Variants in AAR2 observed in about 807,000 individuals in gnomAD.
AAR2 encodes AAR2 splicing factor, also known as protein AAR2 homolog.
Under a neutral mutation model 26.9 loss-of-function variants are expected in AAR2, and 31 were observed. That is an observed-to-expected ratio of 1.15 (90% confidence interval 0.86 to 1.55). The LOEUF (loss-of-function observed/expected upper bound fraction) is 1.55. Ranked by LOEUF, AAR2 falls within the 40% of genes most tolerant of loss-of-function variation. The pLI is 0.00. For synonymous variants in AAR2, 188 were observed against 196.1 expected (o/e 0.96, Z 0.34); for missense variants, 430 against 491.3 (o/e 0.88, Z 1.18).
chr20:36,245,747 G>C (rs367940378), intron 3 of AAR2, among the ~76,000 whole-genome samples: 1 of 152,220 alleles, frequency 6.6e-6, no homozygotes, highest in Non-Finnish European at 1.5e-5. Flanking sequence ...GGGGCTGGGC[G>C]TGGTGGTTCA....
intron 2 of AAR2, among the ~76,000 whole-genome samples, chr20:36,241,771 C>T (rs763134385): frequency 6.6e-6 from 1 of 152,042 alleles, no homozygotes; most frequent in Non-Finnish European, 1.5e-5. Context: ...CAACAAGAGC[C>T]GTCTCAAAAA....
At chr20:36,241,152 A>G (rs1202060038) in intron 2 of AAR2, among the ~76,000 whole-genome samples, 2 of 152,208 alleles carry the variant, frequency 1.3e-5, no homozygotes, top group African/African-American at 4.8e-5. Context: ...AAAGAAAAAC[A>G]AAATTTACTT....
chr20:36,249,303 T>C (rs1229501103), intron 3 of AAR2, among the ~76,000 whole-genome samples: 2 of 152,250 alleles, frequency 1.3e-5, no homozygotes, highest in Admixed American at 6.5e-5. Flanking sequence ...CAGTTTTTTC[T>C]TTTATTTAAA....
At chr20:36,255,276 A>G (rs907877574) in intron 3 of AAR2, among the ~76,000 whole-genome samples, 2 of 152,164 alleles carry the variant, frequency 1.3e-5, no homozygotes, top group Non-Finnish European at 1.5e-5. Flanking sequence ...TGTAGCTACT[A>G]CCTGTTCCTC....
chr20:36,248,222 T>C (rs1204671163), intron 3 of AAR2, among the ~76,000 whole-genome samples: 1 of 152,230 alleles, frequency 6.6e-6, no homozygotes, highest in Non-Finnish European at 1.5e-5. Flanking sequence ...GCTATTATAT[T>C]GCATGAGATG....
intron 3 of AAR2, among the ~76,000 whole-genome samples, chr20:36,250,664 A>G (rs1199718233): frequency 1.3e-5 from 2 of 152,072 alleles, no homozygotes; most frequent in South Asian, 2.1e-4. Flanking sequence ...CGCACAAGGG[A>G]GCTGTTTGGT....
At chr20:36,248,399 G>A (rs371359867) in intron 3 of AAR2, among the ~76,000 whole-genome samples, 4 of 150,354 alleles carry the variant, frequency 2.7e-5, no homozygotes, top group African/African-American at 4.9e-5. Flanking sequence ...ACAATGGCGC[G>A]ATCTCGGCTC....
intron 3 of AAR2, among the ~76,000 whole-genome samples, chr20:36,249,013 A>G (rs752270788): frequency 8.5e-5 from 13 of 152,126 alleles, no homozygotes; most frequent in Non-Finnish European, 1.8e-4. Context: ...TTCCTCAGCC[A>G]GCCGCCTGCC....
At chr20:36,238,998 T>C (rs1431024940) in intron 1 of AAR2, among the ~76,000 whole-genome samples, 1 of 152,138 alleles carries the variant, frequency 6.6e-6, no homozygotes, top group Admixed American at 6.5e-5. Context: ...CATTTGTTCA[T>C]GTTGGTACCA....
At chr20:36,237,829 C>T (rs942751285) in intron 1 of AAR2, among the ~76,000 whole-genome samples, 6 of 150,774 alleles carry the variant, frequency 4.0e-5, no homozygotes, top group African/African-American at 1.5e-4. Context: ...GACCCCCAGG[C>T]TGGAGTGCAG....
chr20:36,237,760 T>G (rs1227672258), intron 1 of AAR2, among the ~76,000 whole-genome samples: 1 of 122,670 alleles, frequency 8.2e-6, no homozygotes, highest in Non-Finnish European at 1.6e-5. Context: ...GTATTATTAT[T>G]ATTATTATTA....
At position 36,255,615 on chromosome 20, in the gene AAR2, C is replaced by A. The variant is rs766283882; in HGVS notation, c.1025C>A (p.Ala342Asp). 6 of 1,614,066 alleles carry A rather than the reference C, an allele frequency of 3.7e-6. No homozygotes were observed. In the South Asian group the frequency reaches 6.6e-5, roughly 18 times the overall value. ...TCTGCCTGCAGCATTGCCGTGGATG[C>A]CACCCTGAGAAAGAAAGCTGAAAAG... ...FSSACSIAVDATLRKKAEKFQ... is the reference protein window; with the variant it reads ...FSSACSIAVDDTLRKKAEKFQ... The change falls in exon 4 of 4, where the codon GCC becomes GAC. Residue 342 changes from alanine to aspartate, a missense_variant. Transcript: ENST00000320849.
chr20:36,237,084 AG>A (rs1390662767), intron 1 of AAR2, among the ~76,000 whole-genome samples: 1 of 152,158 alleles, frequency 6.6e-6, no homozygotes, highest in African/African-American at 2.4e-5. Context: ...CAAAGTGGGG[AG>A]GGAAGAGTTT....
At chr20:36,242,510 C>T (rs1217830912) in intron 2 of AAR2, among the ~76,000 whole-genome samples, 3 of 151,960 alleles carry the variant, frequency 2.0e-5, no homozygotes, top group Admixed American at 6.6e-5. Context: ...CCTGCCTCAG[C>T]CTCCTGAGTA....
chr20:36,240,406 C>T lies in AAR2; in HGVS notation c.538C>T (p.Arg180Cys), dbSNP rs200929659. 46 of 1,614,122 alleles carry T rather than the reference C, an allele frequency of 2.8e-5. No homozygotes were observed. The highest frequency in any genetic ancestry group is 1.6e-4 in the Middle Eastern group (1 of 6,084). ...GGACCGCGTGGGGCAGAATCTACCCCGCTGTGGCATTGAGTGCAAAAGCTA... is the reference window on the plus strand; with the variant it reads ...GGACCGCGTGGGGCAGAATCTACCCTGCTGTGGCATTGAGTGCAAAAGCTA... ...TKDRVGQNLP[R>C]CGIECKSYQE... is the part of the protein sequence containing the mutation. Residue 180 changes from arginine to cysteine, a missense_variant, in exon 2 of 4, where the codon CGC (arginine) becomes TGC (cysteine). Transcript: ENST00000320849.
Position 36,240,570 on chromosome 20 carries a change from T to C in AAR2, c.702T>C (p.Tyr234=), listed in dbSNP as rs150868237. The part of the protein sequence containing the change: ...EITKHSMDLS[Y]ALETVLNKQF... ...CCAAGCACAGCATGGACCTGAGCTA[T>C]GCCCTGGAGACTGTGCTCAACAAGC... Residue 234 remains tyrosine, a synonymous_variant, in exon 2 of 4, where the codon TAT becomes TAC. Coordinates refer to ENST00000320849, the MANE Select transcript of AAR2 (RefSeq NM_001271874.2). The C allele has an allele frequency of 2.2e-5, 36 of 1,613,592 alleles. No homozygotes were observed. The African/African-American group carries it at 4.4e-4, about 20-fold the overall frequency.
intron 1 of AAR2, among the ~76,000 whole-genome samples, chr20:36,238,810 G>C (rs1295305068): frequency 6.6e-6 from 1 of 151,804 alleles, no homozygotes; most frequent in African/African-American, 2.4e-5. Flanking sequence ...TTTTCTGTGT[G>C]TGAAATTTTG....
At chr20:36,253,082 C>G (rs752793742) in intron 3 of AAR2, among the ~76,000 whole-genome samples, 4 of 152,048 alleles carry the variant, frequency 2.6e-5, no homozygotes, top group East Asian at 3.9e-4. Context: ...CCCTTCCCCC[C>G]CATCACCTCT....
At chr20:36,243,711 G>T (rs1003019260) in intron 2 of AAR2, among the ~76,000 whole-genome samples, 1 of 152,202 alleles carries the variant, frequency 6.6e-6, no homozygotes, top group African/African-American at 2.4e-5. Context: ...TTTTTTGAGT[G>T]CTACTTTGTG....
Sources: allele counts gnomAD v4.1 joint callset (sites outside exome capture counted in the v4.1 genomes callset), GRCh38; gene constraint gnomAD v4.1.1; transcripts MANE v1.5; gene names NCBI Gene and HGNC (gene_info 2026-07-23, HGNC 2026-07-21).